The following NRXN3 variants were observed in gnomAD, a reference collection of about 807,000 sequenced individuals.
The protein encoded by NRXN3 is neurexin 3, also known as neurexin III.
Under a neutral mutation model 137.6 loss-of-function variants are expected in NRXN3, and 32 were observed. That is an observed-to-expected ratio of 0.23 (90% confidence interval 0.18 to 0.31). The LOEUF is 0.31. Ranked by LOEUF, NRXN3 falls within the 10% of genes least tolerant of loss-of-function variation. The pLI, the probability that NRXN3 is intolerant of heterozygous loss-of-function variation, is 1.00. For missense variants in NRXN3, 1,574 were observed against 2,062.5 expected (o/e 0.76, Z 4.59); for synonymous variants, 798 against 784.5 (o/e 1.02, Z -0.29).
At chr14:79,543,993 A>G (rs1292264090) in intron 16 of NRXN3, among the ~76,000 whole-genome samples, 5 of 152,230 alleles carry the variant, frequency 3.3e-5, no homozygotes, top group Non-Finnish European at 5.9e-5. Flanking sequence ...TCTTTGTTTC[A>G]TAACATCTAT....
At chr14:78,556,500 G>A (rs572072310) in intron 4 of NRXN3, among the ~76,000 whole-genome samples, 2 of 152,254 alleles carry the variant, frequency 1.3e-5, no homozygotes, top group Admixed American at 6.5e-5. Flanking sequence ...CATATTGATG[G>A]TATGTCATAT....
At chr14:79,355,249 GT>G (rs367651656) in intron 15 of NRXN3, among the ~76,000 whole-genome samples, 4,068 of 147,632 alleles carry the variant, frequency 0.028, 230 homozygotes, top group African/African-American at 0.095. Context: ...GGGCTTTTCT[GT>G]CCCCCACCCC....
At chr14:79,649,545 AG>A (rs1345427896) in intron 16 of NRXN3, among the ~76,000 whole-genome samples, 2 of 144,688 alleles carry the variant, frequency 1.4e-5, no homozygotes, top group East Asian at 3.9e-4. Flanking sequence ...TCTAAGCTGT[AG>A]CATGTTTATG....
At chr14:78,186,823 G>A (rs2060271398) in intron 1 of NRXN3, among the ~76,000 whole-genome samples, 2 of 152,150 alleles carry the variant, frequency 1.3e-5, no homozygotes, top group Non-Finnish European at 2.9e-5. Context: ...GATTTCAGAT[G>A]GTCACACTGC....
intron 4 of NRXN3, among the ~76,000 whole-genome samples, chr14:78,489,800 G>T (rs904257694): frequency 6.6e-6 from 1 of 152,078 alleles, no homozygotes; most frequent in Non-Finnish European, 1.5e-5. Context: ...GCTACATGGA[G>T]AAATCAGAGG....
chr14:78,807,929 C>T (rs1016740038), intron 9 of NRXN3, among the ~76,000 whole-genome samples: 1 of 151,670 alleles, frequency 6.6e-6, no homozygotes, highest in Non-Finnish European at 1.5e-5. Context: ...TGCTACCAAA[C>T]GTAGATTTAA....
At chr14:78,259,964 T>C (rs2070408053) in intron 2 of NRXN3, among the ~76,000 whole-genome samples, 1 of 152,186 alleles carries the variant, frequency 6.6e-6, no homozygotes, top group African/African-American at 2.4e-5. Flanking sequence ...GCCCAGCTGG[T>C]ATGCGATGGG....
chr14:78,763,423 A>G (rs1219712332), intron 8 of NRXN3, among the ~76,000 whole-genome samples: 1 of 152,152 alleles, frequency 6.6e-6, no homozygotes. Context: ...TAATAGGCAT[A>G]CAGTGTGTGG....
chr14:79,030,978 A>G (rs1054720597), intron 15 of NRXN3, among the ~76,000 whole-genome samples: 2 of 151,964 alleles, frequency 1.3e-5, no homozygotes, highest in South Asian at 4.2e-4. Flanking sequence ...GAATAGCGAT[A>G]TGTTGTTATG....
At chr14:79,206,877 T>C (rs2066869453) in intron 15 of NRXN3, among the ~76,000 whole-genome samples, 1 of 152,160 alleles carries the variant, frequency 6.6e-6, no homozygotes, top group Non-Finnish European at 1.5e-5. Flanking sequence ...GAAACTAACG[T>C]ACAAGTCTTA....
intron 15 of NRXN3, among the ~76,000 whole-genome samples, chr14:79,387,871 C>T (rs2094689968): frequency 6.9e-6 from 1 of 145,814 alleles, no homozygotes; most frequent in South Asian, 2.1e-4. Context: ...CCAAACACCG[C>T]ATGTTCTCAC....
intron 9 of NRXN3, among the ~76,000 whole-genome samples, chr14:78,809,464 G>C (rs1203034202): frequency 2.0e-5 from 3 of 152,136 alleles, no homozygotes; most frequent in Non-Finnish European, 4.4e-5. Flanking sequence ...CTGCGCGAGG[G>C]GGTTGATCTG....
At chr14:78,254,875 A>G (rs1027955722) in intron 2 of NRXN3, among the ~76,000 whole-genome samples, 1 of 152,018 alleles carries the variant, frequency 6.6e-6, no homozygotes, top group Non-Finnish European at 1.5e-5. Context: ...AGATAAGGAC[A>G]TGACATGAAG....
At chr14:79,190,492 G>T in intron 15 of NRXN3, among the ~76,000 whole-genome samples, 1 of 152,252 alleles carries the variant, frequency 6.6e-6, no homozygotes, top group Non-Finnish European at 1.5e-5. Context: ...ACACGTAGTG[G>T]TTGCTATTTT....
intron 15 of NRXN3, among the ~76,000 whole-genome samples, chr14:79,019,293 T>G (rs760356499): frequency 1.2e-4 from 18 of 152,192 alleles, no homozygotes; most frequent in Non-Finnish European, 1.9e-4. Flanking sequence ...AGGGCTCCAT[T>G]AAAGGCAACT....
intron 4 of NRXN3, among the ~76,000 whole-genome samples, chr14:78,616,411 G>A (rs1260345118): frequency 6.6e-6 from 1 of 152,142 alleles, no homozygotes; most frequent in African/African-American, 2.4e-5. Flanking sequence ...TTTAAACCCT[G>A]CTTCTTCAAG....
intron 16 of NRXN3, among the ~76,000 whole-genome samples, chr14:79,591,891 A>G (rs1327374956): frequency 2.6e-5 from 4 of 152,026 alleles, no homozygotes; most frequent in African/African-American, 9.7e-5. Context: ...TGGATTGAGC[A>G]ATGGTTTGCT....
intron 15 of NRXN3, among the ~76,000 whole-genome samples, chr14:79,181,931 G>C (rs1335705639): frequency 3.3e-5 from 5 of 152,006 alleles, no homozygotes; most frequent in Middle Eastern, 3.2e-3. Context: ...AACATGACTT[G>C]GGAATTAGAT....
intron 4 of NRXN3, among the ~76,000 whole-genome samples, chr14:78,458,490 C>G (rs1323766815): frequency 6.6e-6 from 1 of 152,090 alleles, no homozygotes; most frequent in Non-Finnish European, 1.5e-5. Flanking sequence ...TACCTGAGTC[C>G]CCTCTAGCTG....
Sources: gnomAD v4.1 joint callset for allele counts (sites outside exome capture counted in the v4.1 genomes callset) on GRCh38, gnomAD v4.1.1 for gene constraint, MANE v1.5 for transcripts, NCBI Gene and HGNC (gene_info 2026-07-23, HGNC 2026-07-21) for gene names.